Variants in RAD17 observed in about 807,000 individuals in gnomAD.
RAD17 encodes the protein RAD17 checkpoint clamp loader component.
RAD17 carries 31 observed loss-of-function variants against 81.5 expected under a neutral mutation model. The observed-to-expected ratio is 0.38, with a 90% CI of 0.29 to 0.51. RAD17 has a LOEUF of 0.51. Among genes scored for constraint, RAD17 ranks in the 20% least tolerant of loss-of-function variants. The pLI is 0.88. For synonymous variants in RAD17, 261 were observed against 266.2 expected, an observed-to-expected ratio of 0.98 and a Z score of 0.19; for missense variants, 681 against 781.2, an observed-to-expected ratio of 0.87 and a Z score of 1.53.
At chr5:69,376,003 A>G (rs1763311925) in intron 6 of RAD17, among the ~76,000 whole-genome samples, 1 of 152,078 alleles carries the variant, frequency 6.6e-6, no homozygotes, top group East Asian at 1.9e-4. Flanking sequence ...ATTTCCTATA[A>G]CCTGAAATTT....
At position 69,382,072 on chromosome 5, in the gene RAD17, G is replaced by A; in HGVS notation, c.508+15G>A. 1 of 1,606,484 alleles carries A rather than the reference G, an allele frequency of 6.2e-7. No homozygotes were observed. Among genetic ancestry groups the A allele is most frequent in the Non-Finnish European group, 8.5e-7 (1 of 1,174,814 alleles). On this transcript the variant is annotated intron_variant, in intron 7 of 18. Transcript: ENST00000354868. ...GTTTAATACTGGTAAGATTTGCTGTGAAGGTAGTAGAAGTAGTGGGGCAAA... is the reference window on the plus strand; with the variant it reads ...GTTTAATACTGGTAAGATTTGCTGTAAAGGTAGTAGAAGTAGTGGGGCAAA...
intron 13 of RAD17, 48 bp from the exon 14 acceptor site, chr5:69,393,107 A>T: frequency 7.7e-7 from 1 of 1,304,590 alleles, no homozygotes. Context: ...GGTGCTATAT[A>T]ATTATAAAGA....
intron 2 of RAD17, 91 bp from the exon 3 acceptor site, chr5:69,371,363 A>C: frequency 2.0e-6 from 1 of 497,420 alleles, no homozygotes; most frequent in Non-Finnish European, 3.6e-6. Context: ...CCTTTATTGT[A>C]TTGTTGATTA....
intron 17 of RAD17, among the ~76,000 whole-genome samples, chr5:69,407,996 T>C (rs759592175): frequency 3.3e-5 from 5 of 152,222 alleles, no homozygotes; most frequent in Non-Finnish European, 7.3e-5. Flanking sequence ...GATGCTCTTT[T>C]TCATGAGACA....
chr5:69,407,758 GCCA>G (rs918514305), intron 17 of RAD17, among the ~76,000 whole-genome samples: 1 of 151,842 alleles, frequency 6.6e-6, no homozygotes, highest in Non-Finnish European at 1.5e-5. Context: ...CGCCATGTTG[GCCA>G]GGCTGGCCTT....
At chr5:69,370,010 T>G in intron 1 of RAD17, 77 bp downstream of exon 1, 1 of 393,172 alleles carries the variant, frequency 2.5e-6, no homozygotes. Context: ...CAAGCTTTCC[T>G]GGGCTCTCGT....
At chr5:69,388,519 C>T (rs1044839458) in intron 11 of RAD17, among the ~76,000 whole-genome samples, 3 of 152,096 alleles carry the variant, frequency 2.0e-5, no homozygotes, top group Admixed American at 1.3e-4. Flanking sequence ...TTTAATATTT[C>T]CTGAAAGTAT....
intron 2 of RAD17, 83 bp downstream of exon 2, chr5:69,371,254 A>G: frequency 1.8e-6 from 1 of 568,768 alleles, no homozygotes; most frequent in Non-Finnish European, 3.2e-6. Context: ...TTAACACCAC[A>G]AGTAGATTAT....
intron 11 of RAD17, among the ~76,000 whole-genome samples, chr5:69,388,806 C>A (rs956271924): frequency 2.0e-5 from 3 of 151,904 alleles, no homozygotes; most frequent in African/African-American, 7.3e-5. Flanking sequence ...TAAGGTCTTA[C>A]TACCTTGCCT....
intron 11 of RAD17, among the ~76,000 whole-genome samples, chr5:69,387,460 C>G (rs1764284553): frequency 6.6e-6 from 1 of 151,948 alleles, no homozygotes; most frequent in Non-Finnish European, 1.5e-5. Flanking sequence ...GAGCACCTAA[C>G]TGAATAAATA....
In RAD17 at chr5:69,400,075, A is replaced by G; in HGVS notation, c.1599A>G (p.Lys533=). Residue 533 remains lysine, a synonymous_variant, in exon 17 of 19, where the codon AAA becomes AAG. Transcript: ENST00000354868. ...KKYRENCLAA[K]ALFPDFCLPA... ...ATCGGGAAAATTGCCTGGCAGCAAA[A>G]GCACTTTTTCCTGACTTCTGCCTAC... 6.2e-7 allele frequency: 1 copy of G among 1,601,442 alleles called. No individual in the cohort carries two copies. Among genetic ancestry groups the G allele is most frequent in the African/African-American group, 1.3e-5 (1 of 74,546 alleles).
At chr5:69,410,965 CTATATA>C (rs1554044686) in intron 18 of RAD17, among the ~76,000 whole-genome samples, 4 of 90,264 alleles carry the variant, frequency 4.4e-5, no homozygotes, top group East Asian at 3.5e-4. Flanking sequence ...AGATGTCTGT[CTATATA>C]TATATATATA....
intron 17 of RAD17, among the ~76,000 whole-genome samples, chr5:69,409,787 T>C (rs1467180702): frequency 6.6e-6 from 1 of 152,236 alleles, no homozygotes; most frequent in African/African-American, 2.4e-5. Flanking sequence ...CCGAAACTTT[T>C]GCTTCTTGCA....
intron 18 of RAD17, among the ~76,000 whole-genome samples, chr5:69,412,081 C>T (rs1023097435): frequency 1.3e-4 from 20 of 152,146 alleles, no homozygotes; most frequent in Admixed American, 1.1e-3. Flanking sequence ...CTCAGCCTGC[C>T]GAGTAGCTGG....
chr5:69,370,250 C>T (rs1162007390), intron 1 of RAD17: 1 of 153,668 alleles, frequency 6.5e-6, no homozygotes, highest in Non-Finnish European at 1.4e-5. Flanking sequence ...AGTAACCTCG[C>T]ATCTTCAGGG....
intron 6 of RAD17, among the ~76,000 whole-genome samples, chr5:69,375,128 A>G (rs1313675153): frequency 2.6e-5 from 4 of 152,190 alleles, no homozygotes; most frequent in Non-Finnish European, 1.5e-5. Context: ...AAAAAGCAAA[A>G]CAAAACAAAA....
Position 69,373,998 on chromosome 5 carries a change from T to G in RAD17, c.178T>G (p.Ser60Ala), listed in dbSNP as rs1253936355. 6.2e-7 allele frequency: 1 copy of G among 1,612,906 alleles called. No individual in the cohort carries two copies. The highest frequency in any genetic ancestry group is 1.1e-5 in the South Asian group (1 of 91,040). The part of the protein sequence containing the change: ...FPARKRGNLS[S>A]LEQIYGLENS... ...AGCGAGAAAAAGAGGAAATCTATCTTCCTTAGAACAGATTTATGGTTTAGA... is the reference window on the plus strand; with the variant it reads ...AGCGAGAAAAAGAGGAAATCTATCTGCCTTAGAACAGATTTATGGTTTAGA... Residue 60 changes from serine to alanine, a missense_variant, in exon 5 of 19, where the codon TCC becomes GCC. By Grantham distance (99) the Ser-to-Ala change is moderately conservative. Coordinates refer to ENST00000354868, the MANE Select transcript of RAD17 (RefSeq NM_133338.3).
At chr5:69,386,798 T>C (rs533264270) in intron 11 of RAD17, among the ~76,000 whole-genome samples, 7 of 152,326 alleles carry the variant, frequency 4.6e-5, no homozygotes, top group Admixed American at 2.0e-4. Flanking sequence ...CTGTTGTCAC[T>C]TTTTTATTTT....
chr5:69,397,172 C>T (rs1409164896), intron 16 of RAD17, among the ~76,000 whole-genome samples: 1 of 151,248 alleles, frequency 6.6e-6, no homozygotes, highest in Non-Finnish European at 1.5e-5. Flanking sequence ...CAGACAGAGT[C>T]GTTCTCTTGC....
Sources: allele counts gnomAD v4.1 joint callset (sites outside exome capture counted in the v4.1 genomes callset), GRCh38; gene constraint gnomAD v4.1.1; transcripts MANE v1.5; gene names NCBI Gene and HGNC (gene_info 2026-07-23, HGNC 2026-07-21).